CASP8: variants seen among roughly 807,000 people sequenced by gnomAD.
CASP8 encodes caspase 8, also known as caspase-8.
Under a neutral mutation model 46.3 loss-of-function variants are expected in CASP8, and 24 were observed. That is an observed-to-expected ratio of 0.52 (90% CI 0.38 to 0.73). The LOEUF is 0.73. Ranked by LOEUF, CASP8 falls within the 30% of genes least tolerant of loss-of-function variation. CASP8 has a pLI of 0.00. For synonymous variants in CASP8, 188 were observed against 200.4 expected, an observed-to-expected ratio of 0.94 and a Z score of 0.52; for missense variants, 460 against 559.0, an observed-to-expected ratio of 0.82 and a Z score of 1.79.
chr2:201,267,750 C>T (rs749432108), intron 2 of CASP8, among the ~76,000 whole-genome samples: 5 of 152,212 alleles, frequency 3.3e-5, no homozygotes, highest in South Asian at 2.1e-4. Context: ...CTGAAGTCTT[C>T]GTTCTGGGCC....
At chr2:201,256,615 A>G (rs558220776), upstream of CASP8, among the ~76,000 whole-genome samples, 19 of 152,350 alleles carry the variant, frequency 1.2e-4, no homozygotes, top group African/African-American at 4.1e-4. Context: ...GGGAGTTAGT[A>G]TGTCATAGAA....
chr2:201,249,483 C>CTTATT (rs1482435293), intron 2 of CASP8, among the ~76,000 whole-genome samples: 1 of 152,154 alleles, frequency 6.6e-6, no homozygotes, highest in Admixed American at 6.5e-5. Context: ...ACCTGTAGTC[C>CTTATT]CAGCTTATTC....
At chr2:201,275,030 T>G (rs2125294523) in intron 6 of CASP8, 77 bp downstream of exon 6, 1 of 1,010,716 alleles carries the variant, frequency 9.9e-7, no homozygotes, top group Non-Finnish European at 1.5e-6. Flanking sequence ...TTTTTTTTTT[T>G]GCTGCCAGAT....
chr2:201,240,069 G>A (rs1408145624), intron 2 of CASP8, among the ~76,000 whole-genome samples: 1 of 152,086 alleles, frequency 6.6e-6, no homozygotes, highest in Non-Finnish European at 1.5e-5. Flanking sequence ...CCCATTTTTA[G>A]CATGTGGGAG....
chr2:201,271,634 A>G lies in CASP8; in HGVS notation c.411+13A>G. The G allele has an allele frequency of 6.9e-7, 1 of 1,452,314 alleles. No individual in the cohort carries two copies. Among genetic ancestry groups the G allele is most frequent in the Non-Finnish European group, 9.7e-7 (1 of 1,032,188 alleles). 90.0% of individuals were successfully genotyped at this position (1,452,314 alleles called of 1,614,324 possible). ...GGATGATGACATGGTAAGACCTGGT[A>G]TCTTACTGAGATTTAGTCCTGAGAC... On this transcript the variant is annotated intron_variant, in intron 3 of 8. Coordinates refer to ENST00000673742, the MANE Select transcript of CASP8 (RefSeq NM_001372051.1).
intron 1 of CASP8, among the ~76,000 whole-genome samples, chr2:201,263,135 C>G (rs571229757): frequency 6.6e-6 from 1 of 152,194 alleles, no homozygotes; most frequent in Non-Finnish European, 1.5e-5. Flanking sequence ...GTCATCTCAG[C>G]CTTGGATTGT....
intron 1 of CASP8, among the ~76,000 whole-genome samples, chr2:201,261,456 A>G (rs1367366305): frequency 2.0e-5 from 3 of 152,110 alleles, no homozygotes; most frequent in Admixed American, 6.6e-5. Flanking sequence ...TAATGGGAAG[A>G]CTAGATAGAC....
chr2:201,273,051 ACTTTTT>A (rs1948382979), intron 5 of CASP8, 109 bp downstream of exon 5: 1 of 812,476 alleles, frequency 1.2e-6, no homozygotes, highest in Non-Finnish European at 1.9e-6. Context: ...TGCCTGCTCT[ACTTTTT>A]CTTTTTTTTT....
At chr2:201,260,816 A>G (rs1282614990) in intron 1 of CASP8, among the ~76,000 whole-genome samples, 2 of 152,188 alleles carry the variant, frequency 1.3e-5, no homozygotes, top group African/African-American at 4.8e-5. Flanking sequence ...AGGGCCGTGC[A>G]GTTTCCAGAT....
intron 2 of CASP8, among the ~76,000 whole-genome samples, chr2:201,236,239 C>A (rs1402331904): frequency 1.3e-5 from 2 of 152,132 alleles, no homozygotes; most frequent in Admixed American, 1.3e-4. Context: ...TTTCTCCTAG[C>A]CTTGCTTTAG....
intron 1 of CASP8, among the ~76,000 whole-genome samples, chr2:201,261,391 CAAAA>C (rs11335061): frequency 1.1e-5 from 1 of 88,534 alleles, no homozygotes; most frequent in Non-Finnish European, 2.3e-5. Flanking sequence ...AACTCCGTCT[CAAAA>C]AAAAAAAAAA....
At chr2:201,237,002 A>G (rs1356425448) in intron 2 of CASP8, among the ~76,000 whole-genome samples, 4 of 150,558 alleles carry the variant, frequency 2.7e-5, no homozygotes, top group Non-Finnish European at 5.9e-5. Flanking sequence ...GTAGTCTCTG[A>G]TTCTCTTTGT....
upstream of CASP8, among the ~76,000 whole-genome samples, chr2:201,258,780 G>A (rs532069657): frequency 6.6e-4 from 100 of 152,164 alleles, no homozygotes; most frequent in African/African-American, 2.3e-3. Flanking sequence ...GTCGAATCAC[G>A]ATGCCCTGAG....
At chr2:201,274,179 C>T (rs993480927) in intron 5 of CASP8, among the ~76,000 whole-genome samples, 2 of 152,092 alleles carry the variant, frequency 1.3e-5, no homozygotes, top group Non-Finnish European at 2.9e-5. Context: ...GCTGTCCTTC[C>T]CTTTCCCCTC....
intron 2 of CASP8, among the ~76,000 whole-genome samples, chr2:201,238,912 C>T (rs1208913039): frequency 2.0e-5 from 3 of 151,942 alleles, no homozygotes; most frequent in Admixed American, 1.3e-4. Flanking sequence ...GAGGACCCTG[C>T]GGCCTTCCGC....
At chr2:201,264,584 T>C (rs994568025) in intron 1 of CASP8, among the ~76,000 whole-genome samples, 1 of 152,188 alleles carries the variant, frequency 6.6e-6, no homozygotes, top group African/African-American at 2.4e-5. Flanking sequence ...GCAATAGACC[T>C]GATTATTTCT....
At chr2:201,282,105 C>G (rs1397599936) in intron 7 of CASP8, among the ~76,000 whole-genome samples, 4 of 65,328 alleles carry the variant, frequency 6.1e-5, no homozygotes, top group African/African-American at 2.1e-4. Context: ...GTTTGTGTCC[C>G]TGGGTACTTA....
intron 5 of CASP8, among the ~76,000 whole-genome samples, chr2:201,273,662 T>C (rs13030042): frequency 0.48 from 72,412 of 151,976 alleles, 19,846 homozygotes; most frequent in Non-Finnish European, 0.63. Flanking sequence ...CTTCAAAATT[T>C]TGATTAATCA....
In CASP8 at chr2:201,269,459, G is replaced by A. The variant is rs777185174; in HGVS notation, c.306-2057G>A. 6.8e-6 allele frequency: 9 copies of A among 1,318,896 alleles called. No individual in the cohort carries two copies. The African/African-American group carries it at 1.2e-4, about 17-fold the overall frequency. 81.7% of individuals were successfully genotyped at this position (1,318,896 alleles called of 1,614,324 possible). A position where few individuals can be genotyped will look rare whatever the true frequency, so the allele number is the denominator to read the frequency against. ...CTAAAAACCCACAGCCCCAGAACAA[G>A]GAAAGCCGAGGGGGGTCTCATCTTG... On this transcript the variant is annotated intron_variant, in intron 2 of 8. Coordinates refer to ENST00000673742, the MANE Select transcript of CASP8 (RefSeq NM_001372051.1).
Sources: allele counts gnomAD v4.1 joint callset (sites outside exome capture counted in the v4.1 genomes callset), GRCh38; gene constraint gnomAD v4.1.1; transcripts MANE v1.5; gene names NCBI Gene and HGNC (gene_info 2026-07-23, HGNC 2026-07-21).